FLOT2: variants seen among roughly 807,000 people sequenced by gnomAD.
The protein encoded by FLOT2 is flotillin 2.
Under a neutral mutation model 54.9 loss-of-function variants are expected in FLOT2, and 35 were observed. The observed-to-expected ratio is 0.64, with a 90% CI of 0.49 to 0.84. The LOEUF (loss-of-function observed/expected upper bound fraction) is 0.84. FLOT2 is among the 40% of genes least tolerant of loss of function. FLOT2 has a pLI of 0.00. For missense variants in FLOT2, 464 were observed against 572.1 expected (o/e 0.81, Z 1.93); for synonymous variants, 207 against 228.9 (o/e 0.90, Z 0.86).
Position 28,890,067 on chromosome 17 carries a change from G to A in FLOT2, c.50-1041C>T, listed in dbSNP as rs868018508. Among the ~76,000 whole-genome samples the A allele has an allele frequency of 1.1e-4, 16 of 152,226 alleles. No individual in the cohort carries two copies. The South Asian group carries it at 1.7e-3, about 16-fold the overall frequency. The stretch of plus-strand genomic sequence containing the variant: ...CTGGGGGGCTGGGAGGGAAGGAAGA[G>A]TCTCCCAACCAAGGCGAGAGGGTTT... On this transcript the variant is annotated intron_variant, in intron 1 of 10. Coordinates refer to ENST00000394908, the MANE Select transcript of FLOT2 (RefSeq NM_004475.3).
At position 28,880,794 on chromosome 17, in the gene FLOT2, A is replaced by G. The variant is rs1297577734; in HGVS notation, c.1167T>C (p.Ser389=). The change falls in exon 10 of 11, where the codon AGT becomes AGC. Residue 389 remains serine (S), a synonymous_variant. Transcript: ENST00000394908. ...GTCGGTTCACTTCTGATGTGACCTT[A>G]CTGTTGTCTCCACTGAGGACCACAA... is the stretch of plus-strand genomic sequence containing the variant. ...DEIVVLSGDN[S]KVTSEVNRLL... 1 of 1,614,060 alleles carries G rather than the reference A, an allele frequency of 6.2e-7. No individual in the cohort carries two copies. The highest frequency in any genetic ancestry group is 2.2e-5 in the East Asian group (1 of 44,902).
intron 1 of FLOT2, among the ~76,000 whole-genome samples, chr17:28,890,232 G>A (rs1333925625): frequency 1.3e-5 from 2 of 152,196 alleles, no homozygotes; most frequent in East Asian, 1.9e-4. Flanking sequence ...ACCAATGGGA[G>A]AAGTGGAGAA....
chr17:28,890,146 C>T (rs540635148), intron 1 of FLOT2, among the ~76,000 whole-genome samples: 58 of 152,290 alleles, frequency 3.8e-4, no homozygotes, highest in Admixed American at 1.4e-3. Context: ...ACTTCCAAAA[C>T]ATTCAGAATG....
intron 2 of FLOT2, among the ~76,000 whole-genome samples, chr17:28,888,199 G>A (rs961853393): frequency 6.6e-6 from 1 of 152,228 alleles, no homozygotes; most frequent in African/African-American, 2.4e-5. Flanking sequence ...GGAAGGGGGC[G>A]ATCGTGGAAA....
chr17:28,890,681 C>T (rs1250051291), intron 1 of FLOT2, among the ~76,000 whole-genome samples: 3 of 151,810 alleles, frequency 2.0e-5, no homozygotes, highest in East Asian at 3.9e-4. Context: ...CCACTGCGCC[C>T]GGCAATTCCT....
intron 1 of FLOT2, among the ~76,000 whole-genome samples, chr17:28,890,864 T>TC (rs1251029984): frequency 2.4e-4 from 35 of 145,548 alleles, no homozygotes; most frequent in African/African-American, 7.7e-4. Context: ...CATTTCTTCT[T>TC]TTTTTTTTTT....
In FLOT2 at chr17:28,884,116, G is replaced by C. The variant is rs762878775; in HGVS notation, c.222+109C>G. ...TCTTGTGGGACTTGCGGGGGCTGGG[G>C]TGCTGGAGAGAGACTGCCCCTGGCT... On this transcript the variant is annotated intron_variant, in intron 3 of 10. Coordinates refer to ENST00000394908, the MANE Select transcript of FLOT2 (RefSeq NM_004475.3). This position sits in a 1 kb window ranked among gnomAD's most constrained non-coding sequence, Gnocchi z 5.1. 413 of 835,280 alleles carry C rather than the reference G, an allele frequency of 4.9e-4. 4 individuals are homozygous for C. The highest frequency in any genetic ancestry group is 2.2e-3 in the South Asian group (159 of 72,704). The allele number at this position is 835,280 out of a possible 1,614,324, so 51.7% of individuals were successfully genotyped here.
Position 28,882,914 on chromosome 17 carries a change from A to T in FLOT2, c.346+194T>A, listed in dbSNP as rs1189968920. 3 of 653,550 alleles carry T rather than the reference A, an allele frequency of 4.6e-6. No individual in the cohort carries two copies. The East Asian group carries it at 8.2e-5, about 18-fold the overall frequency. The allele number at this position is 653,550 out of a possible 1,614,324, so 40.5% of individuals were successfully genotyped here. On this transcript the variant is annotated intron_variant, in intron 4 of 10. Coordinates refer to ENST00000394908, the MANE Select transcript of FLOT2 (RefSeq NM_004475.3). This position sits in a 1 kb window ranked among gnomAD's most constrained non-coding sequence, Gnocchi z 5.6. Reference sequence around the variant, plus strand: ...CAGCACTAGGTTCCTGAGCAGACCGACAGCCCCCATCCCACCCCTTCACTC... The same window carrying T: ...CAGCACTAGGTTCCTGAGCAGACCGTCAGCCCCCATCCCACCCCTTCACTC...
chr17:28,888,748 A>C (rs1161757080), intron 2 of FLOT2, among the ~76,000 whole-genome samples, 197 bp downstream of exon 2: 6 of 152,168 alleles, frequency 3.9e-5, no homozygotes, highest in African/African-American at 1.4e-4. Context: ...TTCCTGATGC[A>C]TGTCTCCTGC....
At chr17:28,891,031 C>T (rs1160980142) in intron 1 of FLOT2, among the ~76,000 whole-genome samples, 1 of 151,922 alleles carries the variant, frequency 6.6e-6, no homozygotes, top group Non-Finnish European at 1.5e-5. Context: ...CAGGTGTGTG[C>T]CCCCATGCCC....
In FLOT2 at chr17:28,886,146, C is replaced by G. The variant is rs904173802; in HGVS notation, c.132-1831G>C. The G allele has an allele frequency of 4.9e-6, 3 of 617,262 alleles. No individual in the cohort carries two copies. The East Asian group carries it at 8.2e-5, about 17-fold the overall frequency. The allele number at this position is 617,262 out of a possible 1,614,324, so 38.2% of individuals were successfully genotyped here. A position where few individuals can be genotyped will look rare whatever the true frequency, so the allele number is the denominator to read the frequency against. On this transcript the variant is annotated intron_variant, in intron 2 of 10. Transcript: ENST00000394908. ...ACAGCAGCGACCTCCTGTGCTGATC[C>G]GAGGCCTCTGGGTCTCTTCTCTAGC...
Position 28,881,668 on chromosome 17 carries a change from G to A in FLOT2, c.914+146C>T, listed in dbSNP as rs1001978566. The A allele has an allele frequency of 1.1e-5, 8 of 748,644 alleles. No individual in the cohort carries two copies. In the African/African-American group the frequency reaches 1.4e-4, roughly 13 times the overall value. The allele number at this position is 748,644 out of a possible 1,614,324, so 46.4% of individuals were successfully genotyped here. On this transcript the variant is annotated intron_variant, in intron 8 of 10. Coordinates refer to ENST00000394908, the MANE Select transcript of FLOT2 (RefSeq NM_004475.3). ...CCAACAGCAGTCCCACAGGGGACAT[G>A]GGGTTATCCTCACTTCACAGTGAGT...
rs780181585 is a variant in FLOT2, at chr17:28,882,470, TCAGAGGCTCAAAGGAGCAGC to T, written c.466-40_466-21del. 1.9e-6 allele frequency: 3 copies of T among 1,609,930 alleles called. No individual in the cohort carries two copies. The South Asian group carries it at 3.3e-5, about 18-fold the overall frequency. ...CACGTCCTGGGGAGGGAAGGGGGTA[TCAGAGGCTCAAAGGAGCAGC>T]CAGAGGCACAAAGGTGCCCCTCTAA... On this transcript the variant is annotated intron_variant, in intron 5 of 10. Coordinates refer to ENST00000394908, the MANE Select transcript of FLOT2 (RefSeq NM_004475.3). The surrounding 1 kb of genome is among the most constrained non-coding windows in gnomAD (Gnocchi z 5.6).
chr17:28,893,879 G>A (rs1241734356), intron 1 of FLOT2, among the ~76,000 whole-genome samples: 1 of 152,212 alleles, frequency 6.6e-6, no homozygotes, highest in African/African-American at 2.4e-5. Context: ...CCCCTAGATT[G>A]CTCTATCAAT....
At position 28,892,193 on chromosome 17, in the gene FLOT2, A is replaced by G. The variant is rs149762814; in HGVS notation, c.50-3167T>C. On this transcript the variant is annotated intron_variant, in intron 1 of 10. Coordinates refer to ENST00000394908, the MANE Select transcript of FLOT2 (RefSeq NM_004475.3). The stretch of plus-strand genomic sequence containing the variant: ...CAGGATCAAGTGAAACTGGAAGGGG[A>G]CCAAAAATCACAGCTTATTCTACAT... 4.8e-3 allele frequency among the ~76,000 whole-genome samples: 730 copies of G among 152,024 alleles called. 9 individuals are homozygous for G. Among genetic ancestry groups the G allele is most frequent in the African/African-American group, 0.017 (695 of 41,450 alleles).
intron 2 of FLOT2, among the ~76,000 whole-genome samples, chr17:28,885,240 C>T (rs1338471777): frequency 6.6e-6 from 1 of 152,180 alleles, no homozygotes; most frequent in Non-Finnish European, 1.5e-5. Context: ...GGATGGTCCC[C>T]TTCCCCATTA....
chr17:28,893,955 G>A (rs971166708), intron 1 of FLOT2, among the ~76,000 whole-genome samples: 1 of 152,174 alleles, frequency 6.6e-6, no homozygotes, highest in Non-Finnish European at 1.5e-5. Context: ...TTGGGCACTC[G>A]AGGAGCTCGG....
chr17:28,886,976 C>T (rs1224927347), intron 2 of FLOT2, among the ~76,000 whole-genome samples: 2 of 151,682 alleles, frequency 1.3e-5, no homozygotes, highest in Non-Finnish European at 1.5e-5. Flanking sequence ...CAGGAACCCA[C>T]CAAGCTCTCT....
At chr17:28,887,951 C>A (rs1400201407) in intron 2 of FLOT2, among the ~76,000 whole-genome samples, 1 of 152,212 alleles carries the variant, frequency 6.6e-6, no homozygotes, top group African/African-American at 2.4e-5. Flanking sequence ...TTCCCCCCGA[C>A]CCTAGCAGAT....
Sources: gnomAD v4.1 joint callset for allele counts (sites outside exome capture counted in the v4.1 genomes callset) on GRCh38, gnomAD v4.1.1 for gene constraint, Gnocchi (gnomAD v3.1) non-coding constraint, MANE v1.5 for transcripts, NCBI Gene and HGNC (gene_info 2026-07-23, HGNC 2026-07-21) for gene names.